Variants in RHOQ observed in about 807,000 individuals in gnomAD.
RHOQ encodes ras homolog family member Q.
RHOQ carries 7 observed loss-of-function variants against 25.8 expected under a neutral mutation model. The observed-to-expected ratio is 0.27, with a 90% confidence interval of 0.15 to 0.51. The LOEUF (loss-of-function observed/expected upper bound fraction) is 0.51, where lower values mean the gene tolerates loss of function less well. Among genes scored for constraint, RHOQ ranks in the 20% least tolerant of loss-of-function variants. The pLI is 0.97. For missense variants in RHOQ, 165 were observed against 260.6 expected (o/e 0.63, Z 2.53); for synonymous variants, 97 against 98.6 (o/e 0.98, Z 0.10).
intron 4 of RHOQ, among the ~76,000 whole-genome samples, chr2:46,579,664 C>A (rs977575894): frequency 6.6e-6 from 1 of 152,044 alleles, no homozygotes; most frequent in African/African-American, 2.4e-5. Flanking sequence ...CCACCCTGAC[C>A]AACATGGAGA....
In RHOQ at chr2:46,569,047, G is replaced by C. The variant is rs749054689; in HGVS notation, c.202-7040G>C. ...TAGCTCCAGACAATATGGAATTTCA[G>C]CTCTAAATCCTTTACAACTGGGGAA... On this transcript the variant is annotated intron_variant, in intron 2 of 4. Coordinates refer to ENST00000238738, the MANE Select transcript of RHOQ (RefSeq NM_012249.4). The surrounding 1 kb of genome is among the most constrained non-coding windows in gnomAD (Gnocchi z 4.1). 4 of 152,200 alleles carry C rather than the reference G, an allele frequency of 2.6e-5. No individual in the cohort carries two copies. The highest frequency in any genetic ancestry group is 6.5e-5 in the Admixed American group (1 of 15,276). The allele number at this position is 152,200 out of a possible 1,614,324, so 9.4% of individuals were successfully genotyped here.
Position 46,558,260 on chromosome 2 carries a change from T to C in RHOQ, c.201+14448T>C, listed in dbSNP as rs142143975. Among the ~76,000 whole-genome samples, 10 of 152,368 alleles carry C rather than the reference T, an allele frequency of 6.6e-5. No individual in the cohort carries two copies. In the East Asian group the frequency reaches 1.9e-3, roughly 29 times the overall value. ...ATTCTCTTTGCCTCTATCTCTTGTA[T>C]TAGATCCCTGTTTCCAGGATCTCAG... is the stretch of plus-strand genomic sequence containing the variant. On this transcript the variant is annotated intron_variant, in intron 2 of 4. Coordinates refer to ENST00000238738, the MANE Select transcript of RHOQ (RefSeq NM_012249.4).
chr2:46,580,265 TCTAC>T (rs1669305498), intron 4 of RHOQ: 1 of 152,414 alleles, frequency 6.6e-6, no homozygotes, highest in Admixed American at 6.5e-5. Context: ...CCCTCAAAGT[TCTAC>T]CTGAGAACCT....
chr2:46,549,401 G>T (rs1000142917), intron 2 of RHOQ, among the ~76,000 whole-genome samples: 1 of 152,140 alleles, frequency 6.6e-6, no homozygotes, highest in African/African-American at 2.4e-5. Context: ...GGTTTCAAGA[G>T]ATTAGATCTA....
chr2:46,574,736 A>C (rs1235935139), intron 2 of RHOQ, among the ~76,000 whole-genome samples: 3 of 152,242 alleles, frequency 2.0e-5, no homozygotes, highest in South Asian at 4.1e-4. Context: ...GTTACCCACC[A>C]GTCAAGGGTT....
In RHOQ at chr2:46,576,017, A is replaced by G. The variant is rs1461084053; in HGVS notation, c.202-70A>G. The G allele has an allele frequency of 2.3e-6, 3 of 1,331,772 alleles. No homozygotes were observed. The African/African-American group carries it at 4.5e-5, about 20-fold the overall frequency. 82.5% of individuals were successfully genotyped at this position (1,331,772 alleles called of 1,614,324 possible). Reference sequence around the variant, plus strand: ...CTGAATTTGCATCTTTGACCATGTAATCTAATGTACATATTACTAGTAAAC... The same window carrying G: ...CTGAATTTGCATCTTTGACCATGTAGTCTAATGTACATATTACTAGTAAAC... On this transcript the variant is annotated intron_variant, in intron 2 of 4. Coordinates refer to ENST00000238738, the MANE Select transcript of RHOQ (RefSeq NM_012249.4). This position sits in a 1 kb window ranked among gnomAD's most constrained non-coding sequence, Gnocchi z 5.1.
In RHOQ at chr2:46,581,589, T is replaced by C. The variant is rs1160838600; in HGVS notation, c.*506T>C. 21 of 1,610,992 alleles carry C rather than the reference T, an allele frequency of 1.3e-5. No homozygotes were observed. The highest frequency in any genetic ancestry group is 1.4e-5 in the Non-Finnish European group (17 of 1,179,286). On this transcript the variant is annotated 3_prime_UTR_variant, in exon 5 of 5. Transcript: ENST00000238738. ...CTCCAAGCGTACAGGAGATGGGCCA[T>C]ACCTGAGGAGAGAATGTATGAGATC...
At chr2:46,543,878 C>T (rs1031769845) in intron 2 of RHOQ, 66 bp downstream of exon 2, 61 of 1,414,908 alleles carry the variant, frequency 4.3e-5, no homozygotes, top group Non-Finnish European at 5.7e-5. Context: ...CTGCGAAGGG[C>T]CTTTGGAAAC....
chr2:46,578,907 TG>T (rs1669240370), intron 4 of RHOQ, among the ~76,000 whole-genome samples: 3 of 152,138 alleles, frequency 2.0e-5, no homozygotes, highest in Non-Finnish European at 2.9e-5. Flanking sequence ...TGTGTGTGTG[TG>T]TATATGTATA....
intron 2 of RHOQ, among the ~76,000 whole-genome samples, chr2:46,559,994 T>C (rs530200846): frequency 3.5e-4 from 54 of 152,320 alleles, no homozygotes; most frequent in African/African-American, 1.3e-3. Flanking sequence ...AGAGAATAAG[T>C]ATCATCTGCC....
At chr2:46,546,400 A>T (rs981986616) in intron 2 of RHOQ, among the ~76,000 whole-genome samples, 1 of 145,296 alleles carries the variant, frequency 6.9e-6, no homozygotes, top group Non-Finnish European at 1.5e-5. Context: ...AAAAGTAAAT[A>T]AAAAACATTA....
chr2:46,547,324 C>T (rs993210037), intron 2 of RHOQ, among the ~76,000 whole-genome samples: 1 of 152,240 alleles, frequency 6.6e-6, no homozygotes, highest in Non-Finnish European at 1.5e-5. Context: ...CCATAGGCAT[C>T]ATTTGTCCGA....
At chr2:46,577,387 A>G (rs965037932) in intron 4 of RHOQ, among the ~76,000 whole-genome samples, 1 of 147,444 alleles carries the variant, frequency 6.8e-6, no homozygotes, top group Non-Finnish European at 1.5e-5. Context: ...AACAGAATCC[A>G]TATATGGTCT....
intron 2 of RHOQ, among the ~76,000 whole-genome samples, chr2:46,563,932 G>A (rs922361979): frequency 3.3e-5 from 5 of 151,838 alleles, no homozygotes; most frequent in African/African-American, 1.2e-4. Flanking sequence ...TTATAGGCGT[G>A]GGCCACCACG....
chr2:46,553,239 C>T (rs1276754580), intron 2 of RHOQ, among the ~76,000 whole-genome samples: 1 of 152,182 alleles, frequency 6.6e-6, no homozygotes, highest in Non-Finnish European at 1.5e-5. Context: ...CCCCTGCCCC[C>T]TCCCTCCCTA....
At chr2:46,579,972 C>T (rs1169187631) in intron 4 of RHOQ, 1 of 152,552 alleles carries the variant, frequency 6.6e-6, no homozygotes, top group East Asian at 1.9e-4. Flanking sequence ...ACTCTTCCCT[C>T]TATCACCTGG....
chr2:46,572,666 T>A, intron 2 of RHOQ: 2 of 415,628 alleles, frequency 4.8e-6, no homozygotes, highest in Admixed American at 2.8e-5. Flanking sequence ...GTTACCATGC[T>A]GAAATGTTTA....
Position 46,543,086 on chromosome 2 carries a change from G to T in RHOQ, c.40G>T (p.Val14Leu). The T allele has an allele frequency of 1.2e-6, 2 of 1,609,362 alleles. No homozygotes were observed. Among genetic ancestry groups the T allele is most frequent in the East Asian group, 4.5e-5 (2 of 44,446 alleles). The change falls in exon 1 of 5, where the codon GTG becomes TTG. Residue 14 changes from valine (V) to leucine (L), a missense_variant. By Grantham distance (32) the Val-to-Leu change is conservative. Transcript: ENST00000238738. ...GPGALMLKCV[V>L]VGDGAVGKTC... Reference sequence around the variant, plus strand: ...CGGCGCGCTGATGCTCAAGTGCGTGGTGGTCGGCGACGGGGCGGTGGGCAA... The same window carrying T: ...CGGCGCGCTGATGCTCAAGTGCGTGTTGGTCGGCGACGGGGCGGTGGGCAA...
At chr2:46,580,838 T>G (rs1669337071) in intron 4 of RHOQ, 90 bp from the exon 5 acceptor site, 11 of 942,788 alleles carry the variant, frequency 1.2e-5, no homozygotes, top group Non-Finnish European at 1.6e-5. Context: ...ATAGCTGTAT[T>G]TTATAATTTT....
Sources: allele counts gnomAD v4.1 joint callset (sites outside exome capture counted in the v4.1 genomes callset), GRCh38; gene constraint gnomAD v4.1.1; non-coding constraint Gnocchi (gnomAD v3.1); transcripts MANE v1.5; gene names NCBI Gene and HGNC (gene_info 2026-07-23, HGNC 2026-07-21).